The following PFKFB3 variants were observed in gnomAD, a reference collection of about 807,000 sequenced individuals.
The protein encoded by PFKFB3 is 6-phosphofructo-2-kinase/fructose-2,6-biphosphatase 3.
Under a neutral mutation model 68.0 loss-of-function variants are expected in PFKFB3, and 33 were observed. The observed-to-expected ratio is 0.49, with a 90% CI of 0.37 to 0.65. PFKFB3 has a LOEUF of 0.65. Among genes scored for constraint, PFKFB3 ranks in the 30% least tolerant of loss-of-function variants. PFKFB3 has a pLI of 0.00. For synonymous variants in PFKFB3, 315 were observed against 288.2 expected, an observed-to-expected ratio of 1.09 and a Z score of -0.94; for missense variants, 586 against 712.2, an observed-to-expected ratio of 0.82 and a Z score of 2.02.
intron 1 of PFKFB3, among the ~76,000 whole-genome samples, chr10:6,186,388 G>A (rs540271813): frequency 6.6e-6 from 1 of 152,260 alleles, no homozygotes; most frequent in East Asian, 1.9e-4. Flanking sequence ...TCTGAAACTG[G>A]GAGTCTCTGT....
intron 14 of PFKFB3, chr10:6,231,454 C>A (rs1435447036): frequency 1.1e-5 from 16 of 1,481,920 alleles, no homozygotes; most frequent in Non-Finnish European, 1.4e-5. Flanking sequence ...GTCGTGAGGT[C>A]CTTTCTAGTC....
chr10:6,168,175 T>C (rs1233914612), intron 1 of PFKFB3, among the ~76,000 whole-genome samples: 1 of 152,026 alleles, frequency 6.6e-6, no homozygotes, highest in East Asian at 1.9e-4. Context: ...TAGGTAGGGG[T>C]GACTAGAGGT....
At chr10:6,238,584 A>G (rs1171990703), downstream of PFKFB3, among the ~76,000 whole-genome samples, 1 of 148,960 alleles carries the variant, frequency 6.7e-6, no homozygotes, top group East Asian at 2.0e-4. Context: ...TTAAGTTCAG[A>G]GGTACATGTG....
At chr10:6,150,679 T>TTAAA (rs1469560176) in intron 1 of PFKFB3, among the ~76,000 whole-genome samples, 4 of 151,816 alleles carry the variant, frequency 2.6e-5, no homozygotes, top group African/African-American at 9.7e-5. Flanking sequence ...GATGATGGCA[T>TTAAA]TTCCCCATGC....
chr10:6,237,193 C>T (rs896493281), downstream of PFKFB3, among the ~76,000 whole-genome samples: 4 of 152,368 alleles, frequency 2.6e-5, no homozygotes, highest in South Asian at 2.1e-4. Context: ...AAAGGCCTCC[C>T]GTCTCCCGAG....
At chr10:6,264,032 C>T in the PFKFB3 span, among the ~76,000 whole-genome samples, 1 of 152,160 alleles carries the variant, frequency 6.6e-6, no homozygotes, top group Non-Finnish European at 1.5e-5. Flanking sequence ...TTTAGCTGTA[C>T]CTAAAACCTG....
chr10:6,219,766 A>T (rs1003304351), intron 7 of PFKFB3, 73 bp downstream of exon 7: 1 of 1,546,718 alleles, frequency 6.5e-7, no homozygotes, highest in African/African-American at 1.4e-5. Context: ...GTTCCCACAA[A>T]GGATTTGCTC....
chr10:6,286,772 G>T, the PFKFB3 span, among the ~76,000 whole-genome samples: 1,189 of 152,240 alleles, frequency 7.8e-3, 14 homozygotes, highest in Non-Finnish European at 0.01. Flanking sequence ...TAAGTATTTT[G>T]TATTGATTGC....
Position 6,215,336 on chromosome 10 carries a change from C to T in PFKFB3, c.299+19C>T, listed in dbSNP as rs369728844. 5.9e-5 allele frequency: 94 copies of T among 1,591,340 alleles called. No individual in the cohort carries two copies. Among genetic ancestry groups the T allele is most frequent in the Non-Finnish European group, 7.2e-5 (83 of 1,160,588 alleles). On this transcript the variant is annotated intron_variant, in intron 3 of 14. Transcript: ENST00000379775. The surrounding 1 kb of genome is among the most constrained non-coding windows in gnomAD (Gnocchi z 4.3). The stretch of plus-strand genomic sequence containing the variant: ...TCCGGAAGTAAGGCTGGGCCGCGGG[C>T]GTAGGGCTGGGCTGTGGGAATAAGG...
the PFKFB3 span, among the ~76,000 whole-genome samples, chr10:6,260,640 A>T: frequency 6.6e-6 from 1 of 152,188 alleles, no homozygotes; most frequent in Non-Finnish European, 1.5e-5. Flanking sequence ...CTTTACATAA[A>T]TCACATTGTA....
At chr10:6,284,306 C>A in the PFKFB3 span, among the ~76,000 whole-genome samples, 1 of 152,174 alleles carries the variant, frequency 6.6e-6, no homozygotes, top group South Asian at 2.1e-4. Context: ...ATCGGGAATT[C>A]ATCTATTTTT....
intron 14 of PFKFB3, among the ~76,000 whole-genome samples, chr10:6,242,656 C>G (rs566178764): frequency 6.6e-6 from 1 of 151,300 alleles, no homozygotes; most frequent in Non-Finnish European, 1.5e-5. Flanking sequence ...GGTGTGGTCT[C>G]AGCTCACTGC....
chr10:6,242,240 T>C (rs1846157234), intron 14 of PFKFB3, among the ~76,000 whole-genome samples: 1 of 152,228 alleles, frequency 6.6e-6, no homozygotes. Context: ...ATTTACTTAT[T>C]CAGTCATTTA....
the PFKFB3 span, among the ~76,000 whole-genome samples, chr10:6,268,550 A>G: frequency 6.6e-6 from 1 of 151,992 alleles, no homozygotes; most frequent in Non-Finnish European, 1.5e-5. Flanking sequence ...ACTCGAACGC[A>G]GGAGGTGGAG....
At chr10:6,266,548 A>G in the PFKFB3 span, among the ~76,000 whole-genome samples, 1 of 152,184 alleles carries the variant, frequency 6.6e-6, no homozygotes, top group Non-Finnish European at 1.5e-5. Flanking sequence ...AGTTGGGATA[A>G]ATATGTGTGT....
At chr10:6,288,118 A>G in the PFKFB3 span, among the ~76,000 whole-genome samples, 1 of 151,768 alleles carries the variant, frequency 6.6e-6, no homozygotes, top group Non-Finnish European at 1.5e-5. Flanking sequence ...ATTCGTTTCA[A>G]AAAGAAGCCC....
intron 1 of PFKFB3, among the ~76,000 whole-genome samples, chr10:6,196,441 G>A (rs536274415): frequency 1.3e-5 from 2 of 152,278 alleles, no homozygotes; most frequent in African/African-American, 4.8e-5. Context: ...ACAATAGGCC[G>A]TCTGCAAGCT....
rs553538806 is a variant in PFKFB3 at position 6,229,078 on chromosome 10, C to T, written c.1515+2713C>T. The T allele has an allele frequency of 2.5e-5, 13 of 527,114 alleles. No individual in the cohort carries two copies. The East Asian group carries it at 7.2e-4, about 29-fold the overall frequency. 32.7% of individuals were successfully genotyped at this position (527,114 alleles called of 1,614,324 possible). On this transcript the variant is annotated intron_variant, in intron 14 of 14. Transcript: ENST00000379775. The surrounding 1 kb of genome is among the most constrained non-coding windows in gnomAD (Gnocchi z 4.3). Reference sequence around the variant, plus strand: ...CACCCGCCCCTTTATTTCCTGTTTGCTCCTTAAGTTACCTTAACTACTTTA... The same window carrying T: ...CACCCGCCCCTTTATTTCCTGTTTGTTCCTTAAGTTACCTTAACTACTTTA...
At chr10:6,194,693 G>T (rs1192818414) in intron 1 of PFKFB3, among the ~76,000 whole-genome samples, 1 of 152,118 alleles carries the variant, frequency 6.6e-6, no homozygotes, top group Admixed American at 6.5e-5. Context: ...CTTCAACAGG[G>T]GTTTGTGGAT....
Sources: gnomAD v4.1 joint callset for allele counts (sites outside exome capture counted in the v4.1 genomes callset) on GRCh38, gnomAD v4.1.1 for gene constraint, Gnocchi (gnomAD v3.1) non-coding constraint, MANE v1.5 for transcripts, NCBI Gene and HGNC (gene_info 2026-07-23, HGNC 2026-07-21) for gene names.